ATP1A2: variants seen among roughly 807,000 people sequenced by gnomAD.
The protein encoded by ATP1A2 is sodium/potassium-transporting ATPase subunit alpha-2.
In ATP1A2, 56 loss-of-function variants were observed where a neutral mutation model predicts 113.1. That is an observed-to-expected ratio of 0.49 (90% CI 0.40 to 0.62). The LOEUF (loss-of-function observed/expected upper bound fraction) is 0.62, where lower values mean the gene tolerates loss of function less well. Ranked by LOEUF, ATP1A2 falls within the 20% of genes least tolerant of loss-of-function variation. The pLI, the probability that ATP1A2 is intolerant of heterozygous loss-of-function variation, is 0.00. For missense variants in ATP1A2, 712 were observed against 1,357.8 expected (o/e 0.52, Z 7.47); for synonymous variants, 490 against 526.8 (o/e 0.93, Z 0.96).
At chr1:160,130,396 C>T in intron 12 of ATP1A2, 26 bp from the exon 13 acceptor site, 6 of 1,614,188 alleles carry the variant, frequency 3.7e-6, no homozygotes, top group South Asian at 3.3e-5. Context: ...CTGCGGATCT[C>T]ACTGATCCCT....
In ATP1A2 at chr1:160,125,249, T is replaced by C; in HGVS notation, c.744T>C (p.Val248=). 6.2e-7 allele frequency: 1 copy of C among 1,613,284 alleles called. No individual in the cohort carries two copies. The highest frequency in any genetic ancestry group is 1.1e-5 in the South Asian group (1 of 91,062). The change falls in exon 7 of 23, where the codon GTT becomes GTC. Residue 248 remains valine, a synonymous_variant. Coordinates refer to ENST00000361216, the MANE Select transcript of ATP1A2 (RefSeq NM_000702.4). The part of the protein sequence containing the change: ...RNICFFSTNC[V]EGTARGIVIA... ...TCTGTTTCTTCTCCACCAACTGTGT[T>C]GAAGGTGAGAAGCCAGGCTGCCCCC...
chr1:160,127,529 C>T (rs754422449), intron 7 of ATP1A2, 23 bp from the exon 8 acceptor site: 2 of 1,614,024 alleles, frequency 1.2e-6, no homozygotes, highest in East Asian at 2.2e-5. Flanking sequence ...AGGCACCCAA[C>T]CTGATGCCCC....
chr1:160,138,945 C>A (rs1652046440), intron 20 of ATP1A2, among the ~76,000 whole-genome samples: 1 of 152,108 alleles, frequency 6.6e-6, no homozygotes, highest in East Asian at 1.9e-4. Context: ...ATTTTCCCAG[C>A]AACCCTATGA....
rs144783705 is a variant in ATP1A2 at position 160,125,583 on chromosome 1, C to T, written c.748+330C>T. On this transcript the variant is annotated intron_variant, in intron 7 of 22. Coordinates refer to ENST00000361216, the MANE Select transcript of ATP1A2 (RefSeq NM_000702.4). ...CAGATGCACATACGCTCAGAACCAA[C>T]CTGGATTCTTAGGAGTCTTTGGATT... is the stretch of plus-strand genomic sequence containing the variant. 1.6e-3 allele frequency: 522 copies of T among 326,808 alleles called. 2 individuals are homozygous for T. The highest frequency in any genetic ancestry group is 0.01 in the African/African-American group (493 of 47,228). The allele number at this position is 326,808 out of a possible 1,614,324, so 20.2% of individuals were successfully genotyped here.
chr1:160,130,522 G>T lies in ATP1A2; in HGVS notation c.1752G>T (p.Gly584=). 1 of 1,614,218 alleles carries T rather than the reference G, an allele frequency of 6.2e-7. No homozygotes were observed. The highest frequency in any genetic ancestry group is 1.1e-5 in the South Asian group (1 of 91,088). The part of the protein sequence containing the change: ...NFPTEKLCFV[G]LMSMIDPPRA... ...CCACGGAGAAGCTTTGCTTTGTGGG[G>T]CTCATGTCTATGATTGACCCTCCCC... Residue 584 remains glycine (G), a synonymous_variant, in exon 13 of 23, where the codon GGG becomes GGT. Coordinates refer to ENST00000361216, the MANE Select transcript of ATP1A2 (RefSeq NM_000702.4).
intron 13 of ATP1A2, among the ~76,000 whole-genome samples, chr1:160,133,307 C>T (rs535388898): frequency 6.6e-6 from 1 of 152,072 alleles, no homozygotes; most frequent in Non-Finnish European, 1.5e-5. Context: ...TTGAGAGGCC[C>T]CTGTGGCCTT....
At chr1:160,134,889 G>A (rs1289138457) in intron 14 of ATP1A2, among the ~76,000 whole-genome samples, 1 of 152,164 alleles carries the variant, frequency 6.6e-6, no homozygotes, top group South Asian at 2.1e-4. Flanking sequence ...CTGTAGGAGT[G>A]GGATGTGAGT....
At chr1:160,118,931 G>T (rs971977878) in intron 1 of ATP1A2, among the ~76,000 whole-genome samples, 1 of 152,060 alleles carries the variant, frequency 6.6e-6, no homozygotes, top group Admixed American at 6.6e-5. Context: ...TTAGGGCAGT[G>T]AAGCTATTCC....
chr1:160,130,197 G>T lies in ATP1A2; in HGVS notation c.1557G>T (p.Leu519=). ...ERILDRCSTI[L]VQGKEIPLDK... The stretch of plus-strand genomic sequence containing the variant: ...TTCTGGACCGGTGCTCCACCATCCT[G>T]GTGCAGGGCAAGGAGATCCCGCTCG... Residue 519 remains leucine (L), a synonymous_variant, in exon 12 of 23, where the codon CTG becomes CTT. Coordinates refer to ENST00000361216, the MANE Select transcript of ATP1A2 (RefSeq NM_000702.4). The T allele has an allele frequency of 6.2e-7, 1 of 1,614,218 alleles. No individual in the cohort carries two copies. Among genetic ancestry groups the T allele is most frequent in the South Asian group, 1.1e-5 (1 of 91,082 alleles).
At chr1:160,119,846 G>A (rs1333082099) in intron 1 of ATP1A2, among the ~76,000 whole-genome samples, 29 of 137,334 alleles carry the variant, frequency 2.1e-4, no homozygotes, top group African/African-American at 6.3e-4. Flanking sequence ...AAAAAAAAAA[G>A]AAAGAAAGAA....
Position 160,129,050 on chromosome 1 carries a change from C to T in ATP1A2, c.1287C>T (p.Ala429=), listed in dbSNP as rs762571297. ...LSRIAGLCNR[A]VFKAGQENIS... The stretch of plus-strand genomic sequence containing the variant: ...GAATTGCTGGTCTCTGCAACCGCGC[C>T]GTCTTCAAGGCAGGACAGGAGAACA... Residue 429 remains alanine (A), a synonymous_variant, in exon 10 of 23, where the codon GCC becomes GCT. Coordinates refer to ENST00000361216, the MANE Select transcript of ATP1A2 (RefSeq NM_000702.4). 184 of 1,613,030 alleles carry T rather than the reference C, an allele frequency of 1.1e-4. No individual in the cohort carries two copies. Among genetic ancestry groups the T allele is most frequent in the Non-Finnish European group, 1.4e-4 (170 of 1,179,460 alleles).
At chr1:160,125,578 A>G (rs1216102541) in intron 7 of ATP1A2, 1 of 336,448 alleles carries the variant, frequency 3.0e-6, no homozygotes, top group Non-Finnish European at 5.7e-6. Context: ...TACGCTCAGA[A>G]CCAACCTGGA....
chr1:160,124,391 C>T lies in ATP1A2; in HGVS notation c.591C>T (p.Val197=), dbSNP rs149251047. ...DLVEVKGGDR[V]PADLRIISSH... ...TGGAGGTGAAGGGTGGAGACCGCGT[C>T]CCTGCTGACCTCCGGATCATCTCTT... The change falls in exon 6 of 23, where the codon GTC becomes GTT. Residue 197 remains valine, a synonymous_variant. Transcript: ENST00000361216. The T allele has an allele frequency of 1.9e-5, 31 of 1,612,154 alleles. No homozygotes were observed. Among genetic ancestry groups the T allele is most frequent in the South Asian group, 4.4e-5 (4 of 90,662 alleles).
At position 160,124,389 on chromosome 1, in the gene ATP1A2, G is replaced by A. The variant is rs540087535; in HGVS notation, c.589G>A (p.Val197Ile). The A allele has an allele frequency of 1.6e-5, 25 of 1,612,322 alleles. No individual in the cohort carries two copies. Among genetic ancestry groups the A allele is most frequent in the East Asian group, 4.5e-5 (2 of 44,878 alleles). ...GGTGGAGGTGAAGGGTGGAGACCGC[G>A]TCCCTGCTGACCTCCGGATCATCTC... ...DLVEVKGGDRVPADLRIISSH... is the reference protein window; with the variant it reads ...DLVEVKGGDRIPADLRIISSH... Residue 197 changes from valine (V) to isoleucine (I), a missense_variant, in exon 6 of 23, where the codon GTC becomes ATC. Transcript: ENST00000361216.
intron 3 of ATP1A2, among the ~76,000 whole-genome samples, chr1:160,122,420 G>GAA (rs112709297): frequency 0.3 from 40,540 of 136,886 alleles, 6,334 homozygotes; most frequent in Non-Finnish European, 0.36. Flanking sequence ...ATGAATGAAT[G>GAA]AAAAAAAAAA....
intron 3 of ATP1A2, 70 bp downstream of exon 3, chr1:160,121,321 G>A (rs1471873725): frequency 6.4e-7 from 1 of 1,560,090 alleles, no homozygotes. Flanking sequence ...GGTGGCAGGA[G>A]CCTTAAAACT....
Position 160,135,843 on chromosome 1 carries a change from C to A in ATP1A2, c.2289C>A (p.Arg763=), listed in dbSNP as rs563607148. 4 of 1,614,170 alleles carry A rather than the reference C, an allele frequency of 2.5e-6. No individual in the cohort carries two copies. The African/African-American group carries it at 4.0e-5, about 16-fold the overall frequency. ...GCCCTCAGAATCTCCCCACAGGCCG[C>A]CTGATCTTTGACAACTTGAAGAAAT... The part of the protein sequence containing the change: ...ASIVTGVEEG[R]LIFDNLKKSI... Residue 763 remains arginine, a synonymous_variant, in exon 17 of 23, where the codon CGC becomes CGA. Transcript: ENST00000361216. This position sits in a 1 kb window ranked among gnomAD's most constrained non-coding sequence, Gnocchi z 6.3.
Position 160,124,396 on chromosome 1 carries a change from C to A in ATP1A2, c.596C>A (p.Ala199Asp). 2.5e-6 allele frequency: 4 copies of A among 1,611,898 alleles called. No individual in the cohort carries two copies. Among genetic ancestry groups the A allele is most frequent in the African/African-American group, 1.3e-5 (1 of 74,996 alleles). ...VEVKGGDRVPADLRIISSHGC... is the reference protein window; with the variant it reads ...VEVKGGDRVPDDLRIISSHGC... Reference sequence around the variant, plus strand: ...GTGAAGGGTGGAGACCGCGTCCCTGCTGACCTCCGGATCATCTCTTCTCAT... The same window carrying A: ...GTGAAGGGTGGAGACCGCGTCCCTGATGACCTCCGGATCATCTCTTCTCAT... Residue 199 changes from alanine (A) to aspartate (D), a missense_variant, in exon 6 of 23, where the codon GCT (alanine) becomes GAT (aspartate). Ala to Asp is a moderately radical substitution (Grantham distance 126). Coordinates refer to ENST00000361216, the MANE Select transcript of ATP1A2 (RefSeq NM_000702.4).
intron 19 of ATP1A2, 90 bp from the exon 20 acceptor site, chr1:160,136,811 G>C: frequency 6.2e-7 from 1 of 1,614,088 alleles, no homozygotes; most frequent in Non-Finnish European, 8.5e-7. Flanking sequence ...TGGGACTGGG[G>C]CTAGGGGTGG....
Sources: gnomAD v4.1 joint callset for allele counts (sites outside exome capture counted in the v4.1 genomes callset) on GRCh38, gnomAD v4.1.1 for gene constraint, Gnocchi (gnomAD v3.1) non-coding constraint, MANE v1.5 for transcripts, NCBI Gene and HGNC (gene_info 2026-07-23, HGNC 2026-07-21) for gene names.